Variants in JARID2 observed in about 807,000 individuals in gnomAD.
JARID2 encodes jumonji and AT-rich interaction domain containing 2.
JARID2 carries 21 observed loss-of-function variants against 125.6 expected under a neutral mutation model. The ratio of observed to expected loss-of-function variants is 0.17; its 90% CI spans 0.12 to 0.24. The LOEUF (loss-of-function observed/expected upper bound fraction) is 0.24, where lower values mean the gene tolerates loss of function less well. Ranked by LOEUF, JARID2 falls within the 10% of genes least tolerant of loss-of-function variation. JARID2 has a pLI of 1.00. For synonymous variants in JARID2, 736 were observed against 661.6 expected, an observed-to-expected ratio of 1.11 and a Z score of -1.73; for missense variants, 1,303 against 1,639.6, an observed-to-expected ratio of 0.79 and a Z score of 3.55.
chr6:15,393,555 A>C (rs769928418), intron 2 of JARID2, among the ~76,000 whole-genome samples: 1 of 152,264 alleles, frequency 6.6e-6, no homozygotes, highest in Non-Finnish European at 1.5e-5. Context: ...GAATTGTGGA[A>C]AAATTCAAGA....
At chr6:15,289,632 C>G (rs941245602) in intron 1 of JARID2, among the ~76,000 whole-genome samples, 1 of 151,908 alleles carries the variant, frequency 6.6e-6, no homozygotes, top group African/African-American at 2.4e-5. Flanking sequence ...TGAGGTGGGT[C>G]ACTTGAGGTC....
intron 3 of JARID2, among the ~76,000 whole-genome samples, chr6:15,435,635 T>C (rs1296721909): frequency 1.3e-5 from 2 of 152,246 alleles, no homozygotes; most frequent in Non-Finnish European, 2.9e-5. Context: ...ACCTCATTGA[T>C]GGCTTTAATG....
chr6:15,505,006 A>C (rs1770929339), intron 9 of JARID2, among the ~76,000 whole-genome samples: 1 of 152,196 alleles, frequency 6.6e-6, no homozygotes, highest in Admixed American at 6.5e-5. Context: ...TGGGATTGGC[A>C]GATTGCCATT....
At chr6:15,444,716 G>A (rs1159320714) in intron 3 of JARID2, among the ~76,000 whole-genome samples, 3 of 145,818 alleles carry the variant, frequency 2.1e-5, no homozygotes, top group Non-Finnish European at 4.5e-5. Context: ...TTTTGCATTT[G>A]CCAGACACGA....
intron 5 of JARID2, among the ~76,000 whole-genome samples, chr6:15,476,383 C>T (rs1418272637): frequency 1.3e-5 from 2 of 152,168 alleles, no homozygotes; most frequent in African/African-American, 2.4e-5. Context: ...GGAGAGGACA[C>T]ACACACCATC....
intron 10 of JARID2, 33 bp from the exon 11 acceptor site, chr6:15,507,310 GCCA>G: frequency 6.2e-7 from 1 of 1,607,928 alleles, no homozygotes; most frequent in Non-Finnish European, 8.5e-7. Context: ...TCCTTTCCCC[GCCA>G]GTTTGTAACG....
intron 3 of JARID2, among the ~76,000 whole-genome samples, chr6:15,444,598 A>T (rs1185908412): frequency 6.6e-6 from 1 of 151,108 alleles, no homozygotes; most frequent in African/African-American, 2.4e-5. Flanking sequence ...TATTTTGGGG[A>T]TGGAAACACA....
chr6:15,478,115 G>A (rs1415985741), intron 5 of JARID2, among the ~76,000 whole-genome samples: 1 of 152,176 alleles, frequency 6.6e-6, no homozygotes, highest in African/African-American at 2.4e-5. Flanking sequence ...CACACACTTC[G>A]GGATAGTTGG....
At chr6:15,342,728 A>G (rs148250198) in intron 1 of JARID2, among the ~76,000 whole-genome samples, 23 of 152,336 alleles carry the variant, frequency 1.5e-4, no homozygotes, top group Non-Finnish European at 1.2e-4. Flanking sequence ...AAAATTTTCC[A>G]TAAAATTATT....
intron 1 of JARID2, among the ~76,000 whole-genome samples, chr6:15,343,067 T>G (rs867953948): frequency 6.6e-6 from 1 of 151,946 alleles, no homozygotes; most frequent in Non-Finnish European, 1.5e-5. Flanking sequence ...CCATCTCTAC[T>G]AAAAATACAA....
At chr6:15,373,420 G>A (rs1187215838) in intron 1 of JARID2, among the ~76,000 whole-genome samples, 1 of 152,066 alleles carries the variant, frequency 6.6e-6, no homozygotes, top group Non-Finnish European at 1.5e-5. Flanking sequence ...ACTTGTATTC[G>A]TTCTGGAGCA....
At chr6:15,399,702 T>G (rs1399797422) in intron 2 of JARID2, among the ~76,000 whole-genome samples, 1 of 152,232 alleles carries the variant, frequency 6.6e-6, no homozygotes, top group African/African-American at 2.4e-5. Context: ...AATAAGTTAC[T>G]GTGTGTGAAG....
chr6:15,426,279 T>G (rs1362479479), intron 3 of JARID2, among the ~76,000 whole-genome samples: 1 of 152,234 alleles, frequency 6.6e-6, no homozygotes, highest in East Asian at 1.9e-4. Flanking sequence ...GAAGGCTTTG[T>G]GTGCTTCAGG....
At position 15,513,390 on chromosome 6, in the gene JARID2, C is replaced by A; in HGVS notation, c.3418C>A (p.Gln1140Lys). ...GTTGGAGACGTCAGAGAGGAGGTGT[C>A]AGATCTGCCAGCACCTGTGCTACCT... Reference protein sequence around the residue: ...LQLETSERRCQICQHLCYLSM... With the variant: ...LQLETSERRCKICQHLCYLSM... The change falls in exon 16 of 18, where the codon CAG (glutamine) becomes AAG (lysine). Residue 1140 changes from glutamine to lysine, a missense_variant. Physicochemically the swap from Gln to Lys is moderately conservative, Grantham distance 53 (BLOSUM62 1). Around this residue, in one of 11 missense-constraint regions of JARID2, gnomAD observed 190 missense variants for 341.4 expected, o/e 0.56. Transcript: ENST00000341776. 1 of 1,611,406 alleles carries A rather than the reference C, an allele frequency of 6.2e-7. No homozygotes were observed. Among genetic ancestry groups the A allele is most frequent in the Non-Finnish European group, 8.5e-7 (1 of 1,178,566 alleles).
intron 5 of JARID2, among the ~76,000 whole-genome samples, chr6:15,471,841 G>T (rs1769091530): frequency 6.6e-6 from 1 of 152,112 alleles, no homozygotes; most frequent in Non-Finnish European, 1.5e-5. Flanking sequence ...CTAAAGGAGG[G>T]CATAATGATT....
At chr6:15,384,461 G>A (rs761581002) in intron 2 of JARID2, among the ~76,000 whole-genome samples, 2 of 150,740 alleles carry the variant, frequency 1.3e-5, no homozygotes, top group Non-Finnish European at 1.5e-5. Flanking sequence ...TCTGTTGTCC[G>A]CTTGCCCCTT....
At chr6:15,261,038 A>G (rs539201698) in intron 1 of JARID2, among the ~76,000 whole-genome samples, 169 of 152,322 alleles carry the variant, frequency 1.1e-3, no homozygotes, top group African/African-American at 4.0e-3. Context: ...AGTATAAATA[A>G]TGATGATTAT....
intron 5 of JARID2, among the ~76,000 whole-genome samples, chr6:15,473,098 G>T (rs1769156417): frequency 1.3e-5 from 2 of 152,336 alleles, no homozygotes; most frequent in South Asian, 4.1e-4. Flanking sequence ...TGCTGTATTT[G>T]TGGAGGATTT....
At chr6:15,512,424 C>A (rs1373410972) in intron 14 of JARID2, 34 bp downstream of exon 14, 2 of 1,605,086 alleles carry the variant, frequency 1.2e-6, no homozygotes, top group Non-Finnish European at 8.5e-7. Context: ...GCTTGCTGCC[C>A]CCGCATCCCT....
Sources: allele counts gnomAD v4.1 joint callset (sites outside exome capture counted in the v4.1 genomes callset), GRCh38; gene constraint gnomAD v4.1.1; regional missense constraint gnomAD v4.1.1; transcripts MANE v1.5; gene names NCBI Gene and HGNC (gene_info 2026-07-23, HGNC 2026-07-21).